The following RBFOX1 variants were observed in gnomAD, a reference collection of about 807,000 sequenced individuals.
RBFOX1 encodes the protein RNA binding fox-1 homolog 1.
Under a neutral mutation model 57.7 loss-of-function variants are expected in RBFOX1, and 8 were observed. The observed-to-expected ratio is 0.14, with a 90% CI of 0.08 to 0.25. The LOEUF is 0.25. Among genes scored for constraint, RBFOX1 ranks in the 10% least tolerant of loss-of-function variants. The probability of loss-of-function intolerance (pLI) is 1.00; values close to 1 mark genes in which losing one functional copy is unlikely to be tolerated. For missense variants in RBFOX1, 611 were observed against 548.5 expected (o/e 1.11, Z -1.14); for synonymous variants, 326 against 222.4 (o/e 1.47, Z -4.15).
At chr16:5,485,749 C>T (rs994446133) in intron 2 of RBFOX1, among the ~76,000 whole-genome samples, 4 of 152,138 alleles carry the variant, frequency 2.6e-5, no homozygotes, top group Non-Finnish European at 5.9e-5. Context: ...CCTTAAACAC[C>T]GTCCAGAACT....
At chr16:7,366,769 C>T (rs1017749098) in intron 4 of RBFOX1, among the ~76,000 whole-genome samples, 1 of 151,326 alleles carries the variant, frequency 6.6e-6, no homozygotes, top group African/African-American at 2.4e-5. Flanking sequence ...CAGAGAAAAA[C>T]ACATAAAGGG....
chr16:6,577,114 A>G (rs2097451476), intron 2 of RBFOX1: 1 of 152,270 alleles, frequency 6.6e-6, no homozygotes, highest in East Asian at 1.9e-4. Context: ...TGCACCTGAC[A>G]TTGGATGCTA....
intron 4 of RBFOX1, among the ~76,000 whole-genome samples, chr16:7,378,734 G>C (rs1371274819): frequency 2.6e-5 from 4 of 152,112 alleles, no homozygotes; most frequent in Non-Finnish European, 4.4e-5. Context: ...TGAGCTTTCT[G>C]CTGCTTTTCT....
At chr16:6,348,182 T>C (rs948369285) in intron 2 of RBFOX1, among the ~76,000 whole-genome samples, 15 of 152,136 alleles carry the variant, frequency 9.9e-5, no homozygotes, top group African/African-American at 3.6e-4. Context: ...GATAGGCTTG[T>C]GATAAAATGT....
chr16:7,534,467 T>A (rs1021532975), intron 5 of RBFOX1, among the ~76,000 whole-genome samples: 1 of 152,112 alleles, frequency 6.6e-6, no homozygotes, highest in Non-Finnish European at 1.5e-5. Context: ...CTGATGCCTT[T>A]CTCTGAAGCT....
intron 3 of RBFOX1, among the ~76,000 whole-genome samples, chr16:7,022,801 A>G (rs761295398): frequency 5.3e-5 from 8 of 152,188 alleles, no homozygotes; most frequent in Non-Finnish European, 1.0e-4. Flanking sequence ...GACAAGTTCT[A>G]TTCTTATTGA....
At chr16:6,584,736 C>G in intron 2 of RBFOX1, among the ~76,000 whole-genome samples, 1 of 152,090 alleles carries the variant, frequency 6.6e-6, no homozygotes, top group East Asian at 1.9e-4. Flanking sequence ...CCACCCTCAG[C>G]TGGAAGATGT....
intron 1 of RBFOX1, among the ~76,000 whole-genome samples, chr16:6,206,601 C>T: frequency 6.6e-6 from 1 of 152,132 alleles, no homozygotes; most frequent in Admixed American, 6.6e-5. Context: ...TTAAACCTTT[C>T]CCAAATTTCC....
intron 3 of RBFOX1, among the ~76,000 whole-genome samples, chr16:6,878,077 A>G (rs549491982): frequency 1.4e-4 from 21 of 152,288 alleles, no homozygotes; most frequent in African/African-American, 4.6e-4. Flanking sequence ...GACAGATAGA[A>G]GAGAGAATGG....
chr16:5,617,237 A>C (rs116975430), intron 3 of RBFOX1, among the ~76,000 whole-genome samples: 1 of 152,144 alleles, frequency 6.6e-6, no homozygotes, highest in Non-Finnish European at 1.5e-5. Context: ...AGCACATGGC[A>C]TTCCTCTAAC....
At chr16:7,302,078 A>G (rs1403909977) in intron 4 of RBFOX1, among the ~76,000 whole-genome samples, 2 of 152,178 alleles carry the variant, frequency 1.3e-5, no homozygotes, top group East Asian at 1.9e-4. Flanking sequence ...AGTACAGAAT[A>G]GCAGCCTCTA....
intron 3 of RBFOX1, among the ~76,000 whole-genome samples, chr16:6,697,145 C>G (rs1473799196): frequency 2.6e-5 from 4 of 152,096 alleles, no homozygotes; most frequent in Non-Finnish European, 5.9e-5. Context: ...CAGGGATTGA[C>G]TAGAGAAATA....
chr16:5,984,930 G>A (rs1368008462), intron 4 of RBFOX1, among the ~76,000 whole-genome samples: 4 of 132,086 alleles, frequency 3.0e-5, no homozygotes, highest in African/African-American at 5.9e-5. Context: ...TGGTACACCT[G>A]TATAGGGCAA....
At chr16:6,775,115 G>C (rs1352068543) in intron 3 of RBFOX1, among the ~76,000 whole-genome samples, 1 of 150,940 alleles carries the variant, frequency 6.6e-6, no homozygotes, top group African/African-American at 2.4e-5. Flanking sequence ...CACGAGGTCA[G>C]GAGATCCAGA....
At chr16:7,128,905 C>G (rs1319245895) in intron 4 of RBFOX1, among the ~76,000 whole-genome samples, 1 of 150,604 alleles carries the variant, frequency 6.6e-6, no homozygotes, top group Non-Finnish European at 1.5e-5. Flanking sequence ...ACTGCAACCT[C>G]CGCCTCCTGG....
In RBFOX1 at chr16:6,943,983, G is replaced by A. The variant is rs138861512; in HGVS notation, c.-15-108074G>A. ...GGATTCTGGGGGCTGCCCAACTCAC[G>A]AACTGTTCATTGCTCAAACTCCTTT... On this transcript the variant is annotated intron_variant, in intron 3 of 15. Transcript: ENST00000550418. 1.7e-4 allele frequency among the ~76,000 whole-genome samples: 26 copies of A among 152,182 alleles called. No individual in the cohort carries two copies. In the East Asian group the frequency reaches 1.7e-3, roughly 10 times the overall value.
chr16:7,339,934 A>T (rs2096861738), intron 4 of RBFOX1, among the ~76,000 whole-genome samples: 1 of 152,186 alleles, frequency 6.6e-6, no homozygotes. Context: ...CAAGCACACC[A>T]TGTCCAAGTG....
At chr16:6,213,919 C>G (rs887079306) in intron 1 of RBFOX1, among the ~76,000 whole-genome samples, 2 of 152,136 alleles carry the variant, frequency 1.3e-5, no homozygotes, top group Non-Finnish European at 2.9e-5. Flanking sequence ...CATCCCAGCT[C>G]TCTACACTCT....
At chr16:7,200,559 G>A (rs2088095009) in intron 4 of RBFOX1, among the ~76,000 whole-genome samples, 2 of 152,148 alleles carry the variant, frequency 1.3e-5, no homozygotes, top group Admixed American at 1.3e-4. Flanking sequence ...TCTGCTCGAG[G>A]AAAAACATTC....
Sources: gnomAD v4.1 joint callset for allele counts (sites outside exome capture counted in the v4.1 genomes callset) on GRCh38, gnomAD v4.1.1 for gene constraint, MANE v1.5 for transcripts, NCBI Gene and HGNC (gene_info 2026-07-23, HGNC 2026-07-21) for gene names.